TST: variants seen among roughly 807,000 people sequenced by gnomAD.
TST encodes the protein epididymis secretory sperm binding protein.
In TST, 22 loss-of-function variants were observed where a neutral mutation model predicts 20.4. The ratio of observed to expected loss-of-function variants is 1.08; its 90% CI spans 0.77 to 1.54. The LOEUF (loss-of-function observed/expected upper bound fraction) is 1.54, where lower values mean the gene tolerates loss of function less well. Ranked by LOEUF, TST falls within the 40% of genes most tolerant of loss-of-function variation. The probability of loss-of-function intolerance (pLI) is 0.00; values close to 1 mark genes in which losing one functional copy is unlikely to be tolerated. For missense variants in TST, 392 were observed against 405.2 expected (o/e 0.97, Z 0.28); for synonymous variants, 187 against 173.8 (o/e 1.08, Z -0.60).
chr22:37,011,618 C>A (rs1394435118), intron 2 of TST, among the ~76,000 whole-genome samples: 1 of 152,150 alleles, frequency 6.6e-6, no homozygotes, highest in Non-Finnish European at 1.5e-5. Flanking sequence ...TTACCTTGGG[C>A]AAATCATTTC....
At position 37,011,024 on chromosome 22, in the gene TST, G is replaced by A. The variant is rs984690171; in HGVS notation, c.*3C>T. The A allele has an allele frequency of 1.0e-5, 16 of 1,604,548 alleles. No homozygotes were observed. Among genetic ancestry groups the A allele is most frequent in the African/African-American group, 2.7e-5 (2 of 74,760 alleles). On this transcript the variant is annotated 3_prime_UTR_variant, in exon 3 of 3. Coordinates refer to ENST00000249042, the MANE Select transcript of TST (RefSeq NM_003312.6). ...AGTTACAGTAAGCAGAAGAGGTCAC[G>A]GCTCAGGCCTTCTCAGACTTTCCCT...
chr22:37,019,947 C>A, upstream of TST: 2 of 728,298 alleles, frequency 2.7e-6, no homozygotes, highest in Non-Finnish European at 3.8e-6. Flanking sequence ...CGGCGCGGGG[C>A]TCCCGCGCGG....
chr22:37,018,380 A>C lies in TST; in HGVS notation c.353T>G (p.Val118Gly). The change falls in exon 2 of 3, where the codon GTG becomes GGG. Residue 118 changes from valine (V) to glycine (G), a missense_variant. Transcript: ENST00000249042. ...CACTGATACGGTGCGGTGGCCAAACACACGGAACATCCACCAGACCCGGGG... is the reference window on the plus strand; with the variant it reads ...CACTGATACGGTGCGGTGGCCAAACCCACGGAACATCCACCAGACCCGGGG... The part of the protein sequence containing the change: ...YAPRVWWMFR[V>G]FGHRTVSVLN... The C allele has an allele frequency of 6.2e-7, 1 of 1,613,934 alleles. No individual in the cohort carries two copies. The highest frequency in any genetic ancestry group is 8.5e-7 in the Non-Finnish European group (1 of 1,180,020).
At chr22:37,018,857 C>T (rs1922826744) in intron 1 of TST, 104 bp from the exon 2 acceptor site, 4 of 807,000 alleles carry the variant, frequency 5.0e-6, no homozygotes, top group Non-Finnish European at 7.3e-6. Context: ...TCCGCACTCC[C>T]CCGGGTTCCT....
At chr22:37,012,141 T>G (rs1472753944) in intron 2 of TST, among the ~76,000 whole-genome samples, 1 of 152,184 alleles carries the variant, frequency 6.6e-6, no homozygotes, top group Non-Finnish European at 1.5e-5. Context: ...AGCGCTGGCT[T>G]TGGAGGCTGG....
In TST at chr22:37,010,934, A is replaced by G; in HGVS notation, c.*93T>C. The stretch of plus-strand genomic sequence containing the variant: ...AGCCTTGCACAGCAATTCTAAAAAC[A>G]TGTCATCTCCTTCACCTAAGAGGTA... On this transcript the variant is annotated 3_prime_UTR_variant, in exon 3 of 3. Coordinates refer to ENST00000249042, the MANE Select transcript of TST (RefSeq NM_003312.6). 4 of 1,494,818 alleles carry G rather than the reference A, an allele frequency of 2.7e-6. 1 individual carries two copies. The highest frequency in any genetic ancestry group is 2.6e-5 in the South Asian group (2 of 75,832). The allele number at this position is 1,494,818 out of a possible 1,614,324, so 92.6% of individuals were successfully genotyped here.
At chr22:37,015,470 C>G (rs1242561653) in intron 2 of TST, among the ~76,000 whole-genome samples, 1 of 152,256 alleles carries the variant, frequency 6.6e-6, no homozygotes, top group East Asian at 1.9e-4. Flanking sequence ...GCGGTGAAGG[C>G]ACTAGCCTGA....
intron 2 of TST, among the ~76,000 whole-genome samples, chr22:37,015,706 C>T (rs561073329): frequency 6.6e-6 from 1 of 152,300 alleles, no homozygotes; most frequent in South Asian, 2.1e-4. Context: ...ACCCCCATGC[C>T]CCTGTGTGTT....
At chr22:37,016,229 G>A (rs2145899071) in intron 2 of TST, among the ~76,000 whole-genome samples, 1 of 152,024 alleles carries the variant, frequency 6.6e-6, no homozygotes, top group South Asian at 2.1e-4. Context: ...ACAGGCGTGA[G>A]CCACCACGCC....
upstream of TST, chr22:37,019,854 C>T (rs1449008451): frequency 1.6e-6 from 2 of 1,222,198 alleles, no homozygotes; most frequent in Non-Finnish European, 1.0e-6. Flanking sequence ...AGCCAGGAAG[C>T]CGGGAGTCCG....
chr22:37,017,172 C>T (rs549071885), intron 2 of TST, among the ~76,000 whole-genome samples: 5 of 152,158 alleles, frequency 3.3e-5, no homozygotes, highest in African/African-American at 7.2e-5. Flanking sequence ...GTGATGGCAG[C>T]GAGACGGCAG....
chr22:37,018,522 A>T lies in TST; in HGVS notation c.211T>A (p.Tyr71Asn). Residue 71 changes from tyrosine to asparagine, a missense_variant, in exon 2 of 3, where the codon TAC becomes AAC. By Grantham distance (143) the Tyr-to-Asn change is moderately radical. Coordinates refer to ENST00000249042, the MANE Select transcript of TST (RefSeq NM_003312.6). The part of the protein sequence containing the change: ...IEECRDTASP[Y>N]EMMLPSEAGF... ...GCCTCGCTGGGCAGCATCATCTCGT[A>T]GGGCGACGCCGTGTCCCGGCACTCT... The T allele has an allele frequency of 6.3e-7, 1 of 1,594,814 alleles. No homozygotes were observed. Among genetic ancestry groups the T allele is most frequent in the Non-Finnish European group, 8.5e-7 (1 of 1,170,174 alleles).
chr22:37,011,357 T>C (rs1255983898), intron 2 of TST, 32 bp from the exon 3 acceptor site: 25 of 1,589,218 alleles, frequency 1.6e-5, no homozygotes, highest in Non-Finnish European at 2.1e-5. Flanking sequence ...GCTTAGGGGA[T>C]GTATGAGGGG....
intron 2 of TST, among the ~76,000 whole-genome samples, chr22:37,012,355 G>C (rs1028506318): frequency 3.3e-5 from 5 of 152,214 alleles, no homozygotes; most frequent in African/African-American, 9.6e-5. Context: ...GGCTTCAGAA[G>C]AGCCAGGAAT....
intron 2 of TST, among the ~76,000 whole-genome samples, chr22:37,012,988 G>A (rs576388500): frequency 6.6e-6 from 1 of 152,162 alleles, no homozygotes; most frequent in Admixed American, 6.5e-5. Flanking sequence ...GTTGCAGTGA[G>A]CCGAGATCAC....
intron 2 of TST, among the ~76,000 whole-genome samples, chr22:37,013,054 A>AT (rs1922539808): frequency 6.6e-6 from 1 of 151,920 alleles, no homozygotes; most frequent in Non-Finnish European, 1.5e-5. Context: ...AAGAAAAAAA[A>AT]AAAGTAAACC....
intron 2 of TST, 147 bp from the exon 3 acceptor site, chr22:37,011,472 C>G (rs1922479178): frequency 1.2e-6 from 1 of 865,122 alleles, no homozygotes; most frequent in Non-Finnish European, 1.7e-6. Flanking sequence ...TCAATTTATT[C>G]CCAGCCCCAC....
At chr22:37,013,833 C>T (rs181908167) in intron 2 of TST, among the ~76,000 whole-genome samples, 9 of 108,262 alleles carry the variant, frequency 8.3e-5, no homozygotes, top group African/African-American at 3.9e-4. Flanking sequence ...GAAAGCACAA[C>T]GGGTTGAATC....
intron 2 of TST, chr22:37,013,411 T>G: frequency 6.8e-6 from 1 of 146,970 alleles, no homozygotes; most frequent in Admixed American, 6.8e-5. Context: ...GCCCAGGAGT[T>G]GGGTAACATA....
Sources: gnomAD v4.1 joint callset for allele counts (sites outside exome capture counted in the v4.1 genomes callset) on GRCh38, gnomAD v4.1.1 for gene constraint, MANE v1.5 for transcripts, NCBI Gene and HGNC (gene_info 2026-07-23, HGNC 2026-07-21) for gene names.